The following TRPM3 variants were observed in gnomAD, a reference collection of about 807,000 sequenced individuals.
TRPM3 encodes long transient receptor potential channel 3.
TRPM3 carries 77 observed loss-of-function variants against 181.2 expected under a neutral mutation model. That is an observed-to-expected ratio of 0.42 (90% CI 0.35 to 0.51). TRPM3 has a LOEUF of 0.51. TRPM3 is among the 20% of genes least tolerant of loss of function. TRPM3 has a pLI of 0.01. For missense variants in TRPM3, 1,759 were observed against 2,196.7 expected (o/e 0.80, Z 3.98); for synonymous variants, 745 against 796.4 (o/e 0.94, Z 1.09).
intron 1 of TRPM3, among the ~76,000 whole-genome samples, chr9:71,117,773 T>C (rs1054310302): frequency 6.6e-6 from 1 of 152,174 alleles, no homozygotes; most frequent in African/African-American, 2.4e-5. Context: ...AAAATGATAC[T>C]AATCATTTGG....
chr9:70,647,825 G>A (rs1238884834), intron 9 of TRPM3, among the ~76,000 whole-genome samples: 1 of 152,126 alleles, frequency 6.6e-6, no homozygotes, highest in Non-Finnish European at 1.5e-5. Context: ...TCCAAGAACT[G>A]ATAAACAACT....
At chr9:70,912,659 A>G (rs2096549930) in intron 1 of TRPM3, among the ~76,000 whole-genome samples, 1 of 152,196 alleles carries the variant, frequency 6.6e-6, no homozygotes, top group African/African-American at 2.4e-5. Flanking sequence ...GTGGATATTG[A>G]TCCTTAACAA....
At chr9:71,426,225 T>C (rs953250548) in intron 1 of TRPM3, among the ~76,000 whole-genome samples, 2 of 151,628 alleles carry the variant, frequency 1.3e-5, no homozygotes, top group African/African-American at 4.8e-5. Flanking sequence ...ATCAGCTTTA[T>C]AAGAATTTGC....
chr9:71,294,927 T>TA (rs1174479201), intron 1 of TRPM3, among the ~76,000 whole-genome samples: 3 of 152,106 alleles, frequency 2.0e-5, no homozygotes, highest in Non-Finnish European at 4.4e-5. Flanking sequence ...AAACAAAACT[T>TA]ACATTATTTA....
In TRPM3 at chr9:70,833,118, C is replaced by T. The variant is rs186508006; in HGVS notation, c.802-5100G>A. Among the ~76,000 whole-genome samples the T allele has an allele frequency of 8.2e-4, 125 of 152,284 alleles. 1 individual carries two copies. Among genetic ancestry groups the T allele is most frequent in the Admixed American group, 7.7e-3 (117 of 15,290 alleles). On this transcript the variant is annotated intron_variant, in intron 5 of 25. Coordinates refer to ENST00000677713, the MANE Select transcript of TRPM3 (RefSeq NM_001366145.2). ...TCTGGACAGCCTGTGTTAAACAGTG[C>T]TTTTGCTCTTTTCAAGTTAACGCAG...
intron 1 of TRPM3, among the ~76,000 whole-genome samples, chr9:71,238,802 C>G (rs1234338897): frequency 6.6e-6 from 1 of 152,096 alleles, no homozygotes; most frequent in African/African-American, 2.4e-5. Flanking sequence ...CAACCATCTA[C>G]CCTTCACCTG....
chr9:70,688,287 C>A (rs2067514129), intron 8 of TRPM3, among the ~76,000 whole-genome samples: 2 of 42,318 alleles, frequency 4.7e-5, no homozygotes, highest in Non-Finnish European at 1.1e-4. Flanking sequence ...GTCACACTCC[C>A]AAAACTTTAA....
chr9:70,873,855 G>A (rs1270404265), intron 1 of TRPM3, among the ~76,000 whole-genome samples: 3 of 151,928 alleles, frequency 2.0e-5, no homozygotes, highest in African/African-American at 7.2e-5. Context: ...CCAGAGTGTT[G>A]TAATTTCACC....
At chr9:70,986,560 T>G (rs957253596) in intron 1 of TRPM3, among the ~76,000 whole-genome samples, 1 of 152,138 alleles carries the variant, frequency 6.6e-6, no homozygotes, top group Non-Finnish European at 1.5e-5. Context: ...TGGATATTAT[T>G]ATCTCCATTT....
chr9:71,057,147 C>T (rs982010329), intron 1 of TRPM3, among the ~76,000 whole-genome samples: 2 of 152,020 alleles, frequency 1.3e-5, no homozygotes, highest in African/African-American at 4.8e-5. Context: ...GATTTCTATG[C>T]CTTTCTTACT....
chr9:71,404,869 T>C (rs1483126039), intron 1 of TRPM3, among the ~76,000 whole-genome samples: 1 of 152,226 alleles, frequency 6.6e-6, no homozygotes, highest in Non-Finnish European at 1.5e-5. Context: ...CTGCCTGTTA[T>C]ACTTCTGTCT....
At chr9:71,031,975 T>TATATATATATATAAA (rs1173238056) in intron 1 of TRPM3, among the ~76,000 whole-genome samples, 1 of 7,940 alleles carries the variant, frequency 1.3e-4, no homozygotes, top group Non-Finnish European at 1.6e-4. Context: ...ATATATATTA[T>TATATATATATATAAA]ATATATATAT....
At chr9:71,372,648 T>C (rs2092552962) in intron 1 of TRPM3, among the ~76,000 whole-genome samples, 1 of 152,206 alleles carries the variant, frequency 6.6e-6, no homozygotes, top group Non-Finnish European at 1.5e-5. Context: ...CACATGTATG[T>C]CTCCTTTTGA....
intron 1 of TRPM3, among the ~76,000 whole-genome samples, chr9:70,983,994 T>C (rs1413517396): frequency 6.6e-6 from 1 of 152,122 alleles, no homozygotes; most frequent in Non-Finnish European, 1.5e-5. Flanking sequence ...TGTGGTTCCT[T>C]TGTATATTCA....
intron 1 of TRPM3, among the ~76,000 whole-genome samples, chr9:71,328,574 T>C (rs1588509738): frequency 6.6e-6 from 1 of 152,310 alleles, no homozygotes; most frequent in Admixed American, 6.5e-5. Context: ...AAAAAATCCT[T>C]GGTAGAAAGG....
In TRPM3 at chr9:71,009,483, T is replaced by C. The variant is rs117632794; in HGVS notation, c.177+111695A>G. ...GAAAAAAGTAATTAAGAAAACAATT[T>C]TATTTACAATAGCTACAAAAGATAC... On this transcript the variant is annotated intron_variant, in intron 1 of 25. Transcript: ENST00000677713. Among the ~76,000 whole-genome samples the C allele has an allele frequency of 5.0e-3, 756 of 152,152 alleles. 19 individuals are homozygous for C. In the East Asian group the frequency reaches 0.078, roughly 16 times the overall value.
At chr9:71,348,711 C>T (rs372696490) in intron 1 of TRPM3, among the ~76,000 whole-genome samples, 1 of 151,740 alleles carries the variant, frequency 6.6e-6, no homozygotes, top group Non-Finnish European at 1.5e-5. Flanking sequence ...ATTACAGGTG[C>T]CCCCTACCAA....
chr9:71,146,158 G>A (rs796964801), intron 1 of TRPM3, among the ~76,000 whole-genome samples: 1 of 152,088 alleles, frequency 6.6e-6, no homozygotes, highest in South Asian at 2.1e-4. Context: ...GTTTTATCTT[G>A]TAGATACTCC....
intron 1 of TRPM3, among the ~76,000 whole-genome samples, chr9:70,974,398 G>A (rs988409456): frequency 8.7e-6 from 1 of 114,808 alleles, no homozygotes; most frequent in Non-Finnish European, 1.9e-5. Flanking sequence ...AATTAGCCGC[G>A]CGTGGTGGCG....
Sources: allele counts gnomAD v4.1 joint callset (sites outside exome capture counted in the v4.1 genomes callset), GRCh38; gene constraint gnomAD v4.1.1; transcripts MANE v1.5; gene names NCBI Gene and HGNC (gene_info 2026-07-23, HGNC 2026-07-21).